Variants in ZNF440 observed in about 807,000 individuals in gnomAD.
ZNF440 encodes the protein zinc finger protein 440.
A neutral mutation model predicts 49.7 loss-of-function variants in ZNF440; 47 were observed. The ratio of observed to expected loss-of-function variants is 0.95; its 90% CI spans 0.75 to 1.21. The LOEUF (loss-of-function observed/expected upper bound fraction) is 1.21. Among genes scored for constraint, ZNF440 ranks in the 50% most tolerant of loss-of-function variants. ZNF440 has a pLI of 0.00. For synonymous variants in ZNF440, 255 were observed against 237.7 expected, an observed-to-expected ratio of 1.07 and a Z score of -0.67; for missense variants, 703 against 715.0, an observed-to-expected ratio of 0.98 and a Z score of 0.19.
In ZNF440 at chr19:11,833,244, G is replaced by C. The variant is rs533414503; in HGVS notation, c.*280G>C. ...CACACTGGAGAGAAACCCTGTGAAT[G>C]TAAGAAATGTAGAAAAGCATTCCAT... On this transcript the variant is annotated 3_prime_UTR_variant, in exon 4 of 4. Coordinates refer to ENST00000304060, the MANE Select transcript of ZNF440 (RefSeq NM_152357.3). The C allele has an allele frequency of 1.6e-4, 133 of 851,422 alleles. 1 individual carries two copies. In the South Asian group the frequency reaches 2.2e-3, roughly 14 times the overall value. 52.7% of individuals were successfully genotyped at this position (851,422 alleles called of 1,614,324 possible).
chr19:11,815,113 A>G (rs1188982896), intron 1 of ZNF440, among the ~76,000 whole-genome samples: 1 of 151,992 alleles, frequency 6.6e-6, no homozygotes, highest in Non-Finnish European at 1.5e-5. Flanking sequence ...CGTCTCCACT[A>G]AAAATACAAA....
chr19:11,830,561 A>T (rs1439284755), intron 2 of ZNF440, 56 bp from the exon 3 acceptor site: 2 of 1,602,594 alleles, frequency 1.2e-6, no homozygotes, highest in African/African-American at 2.7e-5. Flanking sequence ...GAATCTAATA[A>T]TTTTTTCACA....
At chr19:11,817,911 CAT>C (rs1975752474) in intron 1 of ZNF440, among the ~76,000 whole-genome samples, 1 of 152,062 alleles carries the variant, frequency 6.6e-6, no homozygotes. Context: ...TGCATTAAAA[CAT>C]AACTATAATT....
chr19:11,821,751 A>G (rs2145120493), intron 1 of ZNF440, among the ~76,000 whole-genome samples: 1 of 152,354 alleles, frequency 6.6e-6, no homozygotes, highest in East Asian at 1.9e-4. Flanking sequence ...TCCCTTGTAA[A>G]GAATTGTTCA....
At chr19:11,819,678 G>C (rs1309143441) in intron 1 of ZNF440, among the ~76,000 whole-genome samples, 2 of 152,230 alleles carry the variant, frequency 1.3e-5, no homozygotes, top group South Asian at 4.1e-4. Flanking sequence ...GGGATTACAG[G>C]AGTGAGCCAC....
At chr19:11,826,381 G>A (rs1975866385) in intron 1 of ZNF440, among the ~76,000 whole-genome samples, 1 of 152,072 alleles carries the variant, frequency 6.6e-6, no homozygotes, top group Admixed American at 6.6e-5. Flanking sequence ...GAGTAAGGCT[G>A]CTAAAAACGT....
At chr19:11,817,369 G>C (rs1036590739) in intron 1 of ZNF440, 1 of 152,378 alleles carries the variant, frequency 6.6e-6, no homozygotes, top group Non-Finnish European at 1.5e-5. Flanking sequence ...GCCGAGGTGG[G>C]AGGATCACTT....
At chr19:11,824,742 C>G (rs1378298944) in intron 1 of ZNF440, among the ~76,000 whole-genome samples, 1 of 136,996 alleles carries the variant, frequency 7.3e-6, no homozygotes, top group African/African-American at 2.7e-5. Context: ...GAATCTTGCT[C>G]TGTTGCCCAG....
At chr19:11,815,284 TCACACACACACACACACACACACACA>T (rs3223082) in intron 1 of ZNF440, among the ~76,000 whole-genome samples, 1 of 121,062 alleles carries the variant, frequency 8.3e-6, no homozygotes, top group African/African-American at 3.2e-5. Context: ...GGCAACTCCG[TCACACACACACACACACACACACACA>T]CACACACACA....
At chr19:11,821,984 G>A (rs576341359) in intron 1 of ZNF440, among the ~76,000 whole-genome samples, 113 of 152,342 alleles carry the variant, frequency 7.4e-4, no homozygotes, top group African/African-American at 2.7e-3. Context: ...CAGTAGGTGG[G>A]GAGCAAGACA....
At position 11,832,739 on chromosome 19, in the gene ZNF440, A is replaced by C; in HGVS notation, c.1563A>C (p.Gly521=). 1.2e-6 allele frequency: 2 copies of C among 1,613,674 alleles called. No individual in the cohort carries two copies. The highest frequency in any genetic ancestry group is 1.7e-6 in the Non-Finnish European group (2 of 1,179,890). Residue 521 remains glycine, a synonymous_variant, in exon 4 of 4, where the codon GGA becomes GGC. Coordinates refer to ENST00000304060, the MANE Select transcript of ZNF440 (RefSeq NM_152357.3). ...GCCCTATAAATGCGAGCAATGTGGGAAAGCCTTCAGAGCTGTGTCAATCCT... is the reference window on the plus strand; with the variant it reads ...GCCCTATAAATGCGAGCAATGTGGGCAAGCCTTCAGAGCTGTGTCAATCCT... The part of the protein sequence containing the change: ...ERSPINASNV[G]KPSELCQSFE...
At chr19:11,824,678 T>C (rs1975840647) in intron 1 of ZNF440, among the ~76,000 whole-genome samples, 1 of 151,440 alleles carries the variant, frequency 6.6e-6, no homozygotes, top group Non-Finnish European at 1.5e-5. Context: ...AGCATTTTTA[T>C]TCCAGGCTCA....
At position 11,814,342 on chromosome 19, in the gene ZNF440, A is replaced by T. The variant is rs960885236; in HGVS notation, c.-106A>T. 3.0e-6 allele frequency: 4 copies of T among 1,317,372 alleles called. No homozygotes were observed. In the African/African-American group the frequency reaches 6.2e-5, roughly 20 times the overall value. 81.6% of individuals were successfully genotyped at this position (1,317,372 alleles called of 1,614,324 possible). A position where few individuals can be genotyped will look rare whatever the true frequency, so the allele number is the denominator to read the frequency against. ...TCTCGGCTTTCTTGCTTCGAGAGGG[A>T]CTAGGTGCCTCCACCAGAGCTTCTG... On this transcript the variant is annotated 5_prime_UTR_variant, in exon 1 of 4. Transcript: ENST00000304060.
In ZNF440 at chr19:11,833,746, A is replaced by G. The variant is rs1062265; in HGVS notation, c.*782A>G. 22 of 793,452 alleles carry G rather than the reference A, an allele frequency of 2.8e-5. No homozygotes were observed. Among genetic ancestry groups the G allele is most frequent in the East Asian group, 7.9e-5 (2 of 25,464 alleles). 49.2% of individuals were successfully genotyped at this position (793,452 alleles called of 1,614,324 possible). ...CACACTGGAGAGAAGCCCTATGAAT[A>G]TAAGCAATGTGGGAAAGCCTTCAGA... On this transcript the variant is annotated 3_prime_UTR_variant, in exon 4 of 4. Transcript: ENST00000304060.
chr19:11,822,314 C>T (rs1432412837), intron 1 of ZNF440, among the ~76,000 whole-genome samples: 1 of 152,180 alleles, frequency 6.6e-6, no homozygotes, highest in East Asian at 1.9e-4. Flanking sequence ...ATAAAGTTTT[C>T]TTCCGTTATG....
chr19:11,821,271 CAGACTG>C (rs1975796666), intron 1 of ZNF440, among the ~76,000 whole-genome samples: 2 of 152,224 alleles, frequency 1.3e-5, no homozygotes, highest in South Asian at 4.1e-4. Context: ...TCCCAGGGGA[CAGACTG>C]AGGTAGGAGA....
At chr19:11,827,027 A>G (rs888358194) in intron 1 of ZNF440, among the ~76,000 whole-genome samples, 16 of 149,742 alleles carry the variant, frequency 1.1e-4, no homozygotes, top group Admixed American at 6.6e-4. Context: ...GTTTGCCATA[A>G]TTACATTCTT....
chr19:11,820,773 A>G (rs911595368), intron 1 of ZNF440, among the ~76,000 whole-genome samples: 2 of 152,056 alleles, frequency 1.3e-5, no homozygotes, highest in Admixed American at 1.3e-4. Flanking sequence ...GAGACACATG[A>G]CCGTCAGCCA....
chr19:11,824,970 G>GT (rs927094839), intron 1 of ZNF440, among the ~76,000 whole-genome samples: 1 of 151,758 alleles, frequency 6.6e-6, no homozygotes, highest in Non-Finnish European at 1.5e-5. Flanking sequence ...GCCTCCCAAA[G>GT]TGCTGGGATT....
Sources: allele counts gnomAD v4.1 joint callset (sites outside exome capture counted in the v4.1 genomes callset), GRCh38; gene constraint gnomAD v4.1.1; transcripts MANE v1.5; gene names NCBI Gene and HGNC (gene_info 2026-07-23, HGNC 2026-07-21).